The following TSHZ2 variants were observed in gnomAD, a reference collection of about 807,000 sequenced individuals.
TSHZ2 encodes the protein teashirt homolog 2.
In TSHZ2, 21 loss-of-function variants were observed where a neutral mutation model predicts 74.4. That is an observed-to-expected ratio of 0.28 (90% confidence interval 0.20 to 0.41). The LOEUF is 0.41. Among genes scored for constraint, TSHZ2 ranks in the 10% least tolerant of loss-of-function variants. The pLI, the probability that TSHZ2 is intolerant of heterozygous loss-of-function variation, is 1.00. For missense variants in TSHZ2, 1,244 were observed against 1,293.5 expected (o/e 0.96, Z 0.59); for synonymous variants, 540 against 515.3 (o/e 1.05, Z -0.65).
At chr20:53,129,381 T>G (rs1251301885) in intron 1 of TSHZ2, among the ~76,000 whole-genome samples, 2 of 152,150 alleles carry the variant, frequency 1.3e-5, no homozygotes, top group Non-Finnish European at 2.9e-5. Flanking sequence ...AATCGGGCAA[T>G]GGATCATCAC....
rs71726354 is a variant in TSHZ2, at chr20:53,243,832, T to TC, written c.41-9667_41-9666insC. Among the ~76,000 whole-genome samples, 1,455 of 151,838 alleles carry TC rather than the reference T, an allele frequency of 9.6e-3. 19 individuals are homozygous for TC. The highest frequency in any genetic ancestry group is 0.033 in the African/African-American group (1,378 of 41,372). On this transcript the variant is annotated intron_variant, in intron 1 of 2. Coordinates refer to ENST00000371497, the MANE Select transcript of TSHZ2 (RefSeq NM_173485.6). ...TTGCTTGCTTGCTTGCTTTTTTTTTTTTTCTTTCTTTCTTTCTTCTTAATG... is the reference window on the plus strand; with the variant it reads ...TTGCTTGCTTGCTTGCTTTTTTTTTTCTTTCTTTCTTTCTTTCTTCTTAATG...
At chr20:53,219,121 A>G (rs1157975472) in intron 1 of TSHZ2, among the ~76,000 whole-genome samples, 3 of 152,206 alleles carry the variant, frequency 2.0e-5, no homozygotes, top group Non-Finnish European at 4.4e-5. Context: ...GCCTTTTCTC[A>G]GTATTTCCAT....
chr20:53,252,498 C>T (rs1478482981), intron 1 of TSHZ2, among the ~76,000 whole-genome samples: 1 of 152,220 alleles, frequency 6.6e-6, no homozygotes, highest in African/African-American at 2.4e-5. Flanking sequence ...AGCCCATAGG[C>T]ATAATGTCAC....
At chr20:53,140,325 G>A (rs1425303881) in intron 1 of TSHZ2, among the ~76,000 whole-genome samples, 1 of 151,966 alleles carries the variant, frequency 6.6e-6, no homozygotes, top group African/African-American at 2.4e-5. Context: ...CAGATCACGA[G>A]GTCAGGAGAT....
chr20:53,432,984 G>A (rs1983899920), intron 2 of TSHZ2, among the ~76,000 whole-genome samples: 1 of 152,134 alleles, frequency 6.6e-6, no homozygotes, highest in Non-Finnish European at 1.5e-5. Context: ...TTTGATCATT[G>A]CCTTACAACT....
At chr20:53,119,922 C>G (rs1321992074) in intron 1 of TSHZ2, among the ~76,000 whole-genome samples, 3 of 152,156 alleles carry the variant, frequency 2.0e-5, no homozygotes, top group Non-Finnish European at 4.4e-5. Context: ...GAAGATGTAG[C>G]CAAGAGTCTC....
chr20:53,468,718 A>T (rs1985640449), intron 2 of TSHZ2, among the ~76,000 whole-genome samples: 1 of 150,134 alleles, frequency 6.7e-6, no homozygotes, highest in Non-Finnish European at 1.5e-5. Context: ...AACTAAAAAA[A>T]CTCTCCTCCA....
chr20:53,029,541 A>G (rs866708850), intron 1 of TSHZ2, among the ~76,000 whole-genome samples: 2 of 152,202 alleles, frequency 1.3e-5, no homozygotes, highest in South Asian at 2.1e-4. Context: ...CTGGGCGTGG[A>G]GGCACGTGCC....
At chr20:53,145,632 A>T (rs1987521904) in intron 1 of TSHZ2, among the ~76,000 whole-genome samples, 3 of 152,160 alleles carry the variant, frequency 2.0e-5, no homozygotes, top group Admixed American at 2.0e-4. Context: ...TATCCCAATG[A>T]GGGCTAAGGA....
chr20:53,462,589 T>G (rs1431393796), intron 2 of TSHZ2, among the ~76,000 whole-genome samples: 2 of 152,216 alleles, frequency 1.3e-5, no homozygotes, highest in Admixed American at 6.5e-5. Context: ...TTAACTTCAT[T>G]TAGCTTCATT....
intron 2 of TSHZ2, among the ~76,000 whole-genome samples, chr20:53,451,845 G>C (rs900776593): frequency 6.6e-6 from 1 of 152,188 alleles, no homozygotes; most frequent in African/African-American, 2.4e-5. Context: ...ACTTAGTACA[G>C]TAGGAACACA....
At chr20:53,200,466 G>A (rs778267925) in intron 1 of TSHZ2, among the ~76,000 whole-genome samples, 3 of 152,200 alleles carry the variant, frequency 2.0e-5, no homozygotes, top group East Asian at 1.9e-4. Flanking sequence ...ATTTTATGAC[G>A]TTACGGATAA....
chr20:52,990,263 A>G (rs1056032101), intron 1 of TSHZ2, among the ~76,000 whole-genome samples: 1 of 152,170 alleles, frequency 6.6e-6, no homozygotes, highest in African/African-American at 2.4e-5. Context: ...TTGTAACTTC[A>G]CTGAGATGTC....
intron 2 of TSHZ2, among the ~76,000 whole-genome samples, chr20:53,307,158 G>A (rs948378863): frequency 7.9e-5 from 12 of 151,730 alleles, no homozygotes; most frequent in Admixed American, 1.3e-4. Flanking sequence ...GGCAGGTGAC[G>A]CTCCTGGAAT....
At chr20:53,007,972 C>A (rs754918169) in intron 1 of TSHZ2, among the ~76,000 whole-genome samples, 3 of 152,016 alleles carry the variant, frequency 2.0e-5, no homozygotes, top group Non-Finnish European at 4.4e-5. Flanking sequence ...AGGGTGTCTA[C>A]CTTGTCAAGC....
Position 53,254,028 on chromosome 20 carries a change from C to G in TSHZ2, c.570C>G (p.Ser190Arg). ...NLPSRSVSKP[S>R]LFSSVQLYRQ... ...CTTCTCGGTCCGTCTCGAAACCCAG[C>G]CTGTTCAGCTCGGTGCAGTTGTACC... is the stretch of plus-strand genomic sequence containing the variant. Residue 190 changes from serine to arginine, a missense_variant, in exon 2 of 3, where the codon AGC becomes AGG. Coordinates refer to ENST00000371497, the MANE Select transcript of TSHZ2 (RefSeq NM_173485.6). 6.2e-7 allele frequency: 1 copy of G among 1,614,122 alleles called. No homozygotes were observed. The highest frequency in any genetic ancestry group is 8.5e-7 in the Non-Finnish European group (1 of 1,180,026).
At chr20:53,038,428 C>T (rs1037654363) in intron 1 of TSHZ2, among the ~76,000 whole-genome samples, 4 of 152,096 alleles carry the variant, frequency 2.6e-5, no homozygotes, top group Non-Finnish European at 5.9e-5. Context: ...CTGTCTACTC[C>T]TACCAAGCAC....
intron 1 of TSHZ2, among the ~76,000 whole-genome samples, chr20:52,979,879 A>G (rs1981496917): frequency 6.6e-6 from 1 of 152,230 alleles, no homozygotes; most frequent in Admixed American, 6.5e-5. Flanking sequence ...AGTTTTAGAG[A>G]TAATGAGCTT....
At chr20:53,212,109 G>A (rs975942990) in intron 1 of TSHZ2, among the ~76,000 whole-genome samples, 1 of 151,974 alleles carries the variant, frequency 6.6e-6, no homozygotes, top group Non-Finnish European at 1.5e-5. Context: ...TTTGCATAAG[G>A]ACTGGGGGCC....
Sources: allele counts gnomAD v4.1 joint callset (sites outside exome capture counted in the v4.1 genomes callset), GRCh38; gene constraint gnomAD v4.1.1; transcripts MANE v1.5; gene names NCBI Gene and HGNC (gene_info 2026-07-23, HGNC 2026-07-21).